Variants in SUGCT observed in about 807,000 individuals in gnomAD.
SUGCT encodes succinyl-CoA:glutarate CoA-transferase.
In SUGCT, 41 loss-of-function variants were observed where a neutral mutation model predicts 55.0. The ratio of observed to expected loss-of-function variants is 0.74; its 90% confidence interval spans 0.58 to 0.97. SUGCT has a LOEUF of 0.97. Among genes scored for constraint, SUGCT ranks in the 50% least tolerant of loss-of-function variants. The pLI, the probability that SUGCT is intolerant of heterozygous loss-of-function variation, is 0.00. For missense variants in SUGCT, 568 were observed against 547.8 expected (o/e 1.04, Z -0.37); for synonymous variants, 187 against 200.4 (o/e 0.93, Z 0.56).
intron 9 of SUGCT, among the ~76,000 whole-genome samples, chr7:40,339,495 C>G (rs894205620): frequency 6.6e-6 from 1 of 152,162 alleles, no homozygotes; most frequent in Non-Finnish European, 1.5e-5. Context: ...TGATCTCAGA[C>G]CGCTGTGCTA....
chr7:40,233,006 A>G (rs960666086), intron 6 of SUGCT, among the ~76,000 whole-genome samples: 1 of 152,134 alleles, frequency 6.6e-6, no homozygotes, highest in Non-Finnish European at 1.5e-5. Context: ...TCTTCATTAA[A>G]TTATTAATGA....
intron 9 of SUGCT, among the ~76,000 whole-genome samples, chr7:40,448,904 ATGTG>A (rs34734227): frequency 1.7e-4 from 25 of 145,412 alleles, no homozygotes; most frequent in African/African-American, 4.5e-4. Context: ...ATAGACACAT[ATGTG>A]TGTGTGTGTG....
intron 9 of SUGCT, among the ~76,000 whole-genome samples, chr7:40,430,995 G>C (rs963395594): frequency 6.6e-6 from 1 of 151,722 alleles, no homozygotes; most frequent in Non-Finnish European, 1.5e-5. Context: ...GCACATGCCC[G>C]TAATCCCAGC....
At chr7:40,483,756 T>A (rs944848259) in intron 11 of SUGCT, among the ~76,000 whole-genome samples, 3 of 150,838 alleles carry the variant, frequency 2.0e-5, no homozygotes, top group Non-Finnish European at 4.4e-5. Context: ...CTTAGTCCCA[T>A]GAAAAGATGC....
intron 1 of SUGCT, among the ~76,000 whole-genome samples, chr7:40,148,751 G>C (rs1487232675): frequency 6.6e-6 from 1 of 152,194 alleles, no homozygotes; most frequent in African/African-American, 2.4e-5. Flanking sequence ...ATGGGGGATT[G>C]GATTCTGATG....
At chr7:40,952,901 CA>C in the SUGCT span, among the ~76,000 whole-genome samples, 2 of 152,152 alleles carry the variant, frequency 1.3e-5, no homozygotes, top group African/African-American at 4.8e-5. Context: ...TCCTTCATTT[CA>C]ACTTTGGTGA....
intron 8 of SUGCT, among the ~76,000 whole-genome samples, chr7:40,315,552 G>GAATAAAGTAAAGGAGAATGGCTGC (rs1443117481): frequency 6.6e-6 from 1 of 152,224 alleles, no homozygotes; most frequent in Non-Finnish European, 1.5e-5. Context: ...TAAGTCCCAA[G>GAATAAAGTAAAGGAGAATGGCTGC]AATAAAGTAA....
At chr7:40,960,864 T>C in the SUGCT span, among the ~76,000 whole-genome samples, 7,709 of 152,278 alleles carry the variant, frequency 0.051, 287 homozygotes, top group South Asian at 0.16. Context: ...TCCACAAACA[T>C]GTATATGTGT....
At chr7:40,187,098 T>C (rs895635956) in intron 3 of SUGCT, among the ~76,000 whole-genome samples, 14 of 152,162 alleles carry the variant, frequency 9.2e-5, no homozygotes, top group African/African-American at 3.1e-4. Flanking sequence ...TGGAATACTA[T>C]GCAGCCATAA....
chr7:40,640,349 T>C (rs73689835), intron 12 of SUGCT, among the ~76,000 whole-genome samples: 4,380 of 152,324 alleles, frequency 0.029, 182 homozygotes, highest in African/African-American at 0.097. Flanking sequence ...TTTTGTATTG[T>C]ACTTTATTGT....
At chr7:40,466,153 T>G (rs1437741080) in intron 11 of SUGCT, among the ~76,000 whole-genome samples, 3 of 152,180 alleles carry the variant, frequency 2.0e-5, no homozygotes, top group Non-Finnish European at 4.4e-5. Context: ...ATAATCCTCC[T>G]GCTCCAACCT....
At chr7:40,709,047 T>A (rs1396152983) in intron 12 of SUGCT, among the ~76,000 whole-genome samples, 1 of 152,214 alleles carries the variant, frequency 6.6e-6, no homozygotes, top group African/African-American at 2.4e-5. Context: ...TCTTGGAACT[T>A]CCTATCACAA....
At chr7:40,953,029 T>C in the SUGCT span, among the ~76,000 whole-genome samples, 1 of 152,242 alleles carries the variant, frequency 6.6e-6, no homozygotes, top group Non-Finnish European at 1.5e-5. Flanking sequence ...GTTCTCTGGA[T>C]AATATCCTGA....
the SUGCT span, among the ~76,000 whole-genome samples, chr7:40,950,962 T>C: frequency 6.9e-6 from 1 of 145,500 alleles, no homozygotes; most frequent in South Asian, 2.1e-4. Flanking sequence ...ATCAGGATGA[T>C]GCTGGCCTCA....
At chr7:40,490,915 G>A (rs1045106382) in intron 11 of SUGCT, among the ~76,000 whole-genome samples, 1 of 152,168 alleles carries the variant, frequency 6.6e-6, no homozygotes, top group Non-Finnish European at 1.5e-5. Flanking sequence ...AGGAGATGCT[G>A]TGCTATTCCA....
chr7:40,861,385 G>C (rs1266252128), downstream of SUGCT, among the ~76,000 whole-genome samples: 3 of 152,164 alleles, frequency 2.0e-5, no homozygotes, highest in Admixed American at 2.0e-4. Context: ...CCTTAGCATT[G>C]AGTATTTCAA....
chr7:40,628,184 A>G (rs1318837232), intron 12 of SUGCT, among the ~76,000 whole-genome samples: 2 of 152,194 alleles, frequency 1.3e-5, no homozygotes, highest in Middle Eastern at 3.2e-3. Flanking sequence ...TATTGTTATA[A>G]TTGTTCTATT....
At chr7:40,864,561 A>G (rs754499839), downstream of SUGCT, among the ~76,000 whole-genome samples, 1 of 152,126 alleles carries the variant, frequency 6.6e-6, no homozygotes, top group Non-Finnish European at 1.5e-5. Flanking sequence ...CATCCACTCA[A>G]AAATATGTCT....
At chr7:40,325,898 C>CTTTTTTTTTTTTTTTTTTTTTTTTTTTTT (rs71560191) in intron 9 of SUGCT, among the ~76,000 whole-genome samples, 2 of 122,182 alleles carry the variant, frequency 1.6e-5, no homozygotes. Flanking sequence ...GGATGTGCGT[C>CTTTTTTTTTTTTTTTTTTTTTTTTTTTTT]TTTTTTTTTT....
Sources: gnomAD v4.1 joint callset for allele counts (sites outside exome capture counted in the v4.1 genomes callset) on GRCh38, gnomAD v4.1.1 for gene constraint, MANE v1.5 for transcripts, NCBI Gene and HGNC (gene_info 2026-07-23, HGNC 2026-07-21) for gene names.